KCNJ6: variants seen among roughly 807,000 people sequenced by gnomAD.
KCNJ6 encodes the protein G protein-activated inward rectifier potassium channel 2.
Under a neutral mutation model 34.2 loss-of-function variants are expected in KCNJ6, and 9 were observed. That is an observed-to-expected ratio of 0.26 (90% CI 0.16 to 0.46). The LOEUF (loss-of-function observed/expected upper bound fraction) is 0.46. Among genes scored for constraint, KCNJ6 ranks in the 20% least tolerant of loss-of-function variants. The pLI, the probability that KCNJ6 is intolerant of heterozygous loss-of-function variation, is 1.00. For missense variants in KCNJ6, 236 were observed against 531.3 expected (o/e 0.44, Z 5.46); for synonymous variants, 196 against 207.1 (o/e 0.95, Z 0.46).
intron 1 of KCNJ6, among the ~76,000 whole-genome samples, chr21:37,911,396 T>C (rs1297819867): frequency 3.3e-5 from 5 of 152,230 alleles, no homozygotes; most frequent in African/African-American, 1.2e-4. Flanking sequence ...AAGTTAATAA[T>C]TTTGTAAAAC....
intron 3 of KCNJ6, among the ~76,000 whole-genome samples, chr21:37,661,799 T>G (rs1388547572): frequency 0.013 from 2 of 158 alleles, no homozygotes. Context: ...ATTTTTTCTA[T>G]TTTTTTTTTT....
At chr21:37,817,641 C>T (rs2055352782) in intron 2 of KCNJ6, among the ~76,000 whole-genome samples, 1 of 152,206 alleles carries the variant, frequency 6.6e-6, no homozygotes, top group Admixed American at 6.5e-5. Context: ...TTAGCCTGTG[C>T]ATGACCCTTT....
intron 3 of KCNJ6, among the ~76,000 whole-genome samples, chr21:37,632,431 A>G (rs934953834): frequency 6.6e-5 from 10 of 152,082 alleles, no homozygotes; most frequent in Non-Finnish European, 1.5e-5. Context: ...GAAAGTCTGA[A>G]CATTAATGTT....
chr21:37,651,550 G>C (rs1452649336), intron 3 of KCNJ6, among the ~76,000 whole-genome samples: 1 of 152,174 alleles, frequency 6.6e-6, no homozygotes, highest in Non-Finnish European at 1.5e-5. Context: ...TGCAGAGGAA[G>C]GGAGTGGAAG....
At chr21:37,904,614 T>A (rs2055832465) in intron 1 of KCNJ6, among the ~76,000 whole-genome samples, 1 of 152,174 alleles carries the variant, frequency 6.6e-6, no homozygotes, top group African/African-American at 2.4e-5. Flanking sequence ...TATAGACTCC[T>A]TGTTTTCATG....
chr21:37,812,392 A>G lies in KCNJ6; in HGVS notation c.25+28266T>C, dbSNP rs537861082. ...AAGAAAAGTGGCCATCTAATCTGGCACTAGAACTGGGAATTTAACCAAAGG... is the reference window on the plus strand; with the variant it reads ...AAGAAAAGTGGCCATCTAATCTGGCGCTAGAACTGGGAATTTAACCAAAGG... On this transcript the variant is annotated intron_variant, in intron 2 of 3. Coordinates refer to ENST00000609713, the MANE Select transcript of KCNJ6 (RefSeq NM_002240.5). 3.3e-5 allele frequency among the ~76,000 whole-genome samples: 5 copies of G among 152,342 alleles called. No individual in the cohort carries two copies. The South Asian group carries it at 6.2e-4, about 19-fold the overall frequency.
At chr21:37,661,614 G>GTTTTTTTTTTT (rs59026391) in intron 3 of KCNJ6, among the ~76,000 whole-genome samples, 1,945 of 71,060 alleles carry the variant, frequency 0.027, 458 homozygotes, top group Non-Finnish European at 0.034. Context: ...AAGAGACATA[G>GTTTTTTTTTTT]TTTTTTTTTT....
At chr21:37,642,827 A>G (rs1823330936) in intron 3 of KCNJ6, among the ~76,000 whole-genome samples, 1 of 152,180 alleles carries the variant, frequency 6.6e-6, no homozygotes, top group African/African-American at 2.4e-5. Context: ...CTTTCTACTA[A>G]AACAAAAAAA....
At chr21:37,665,981 C>A (rs2054512252) in intron 3 of KCNJ6, among the ~76,000 whole-genome samples, 1 of 152,070 alleles carries the variant, frequency 6.6e-6, no homozygotes, top group Admixed American at 6.5e-5. Flanking sequence ...ATGAGCAGGC[C>A]CAGCTAGTTG....
intron 1 of KCNJ6, among the ~76,000 whole-genome samples, chr21:37,865,943 G>A (rs2055620397): frequency 8.8e-6 from 1 of 114,188 alleles, no homozygotes; most frequent in Admixed American, 8.9e-5. Context: ...TAGATCGTGT[G>A]TTAGACCACA....
chr21:37,853,553 G>A (rs1276270290), intron 1 of KCNJ6, among the ~76,000 whole-genome samples: 2 of 151,952 alleles, frequency 1.3e-5, no homozygotes, highest in Non-Finnish European at 2.9e-5. Flanking sequence ...CAACAAAAAG[G>A]AAATAATAAA....
chr21:37,707,207 C>T (rs906500191), intron 3 of KCNJ6, among the ~76,000 whole-genome samples: 1 of 152,198 alleles, frequency 6.6e-6, no homozygotes, highest in Non-Finnish European at 1.5e-5. Context: ...TTTGACTATT[C>T]AGAGTGGTTT....
At chr21:37,852,068 T>C (rs139536350) in intron 1 of KCNJ6, among the ~76,000 whole-genome samples, 1 of 152,202 alleles carries the variant, frequency 6.6e-6, no homozygotes, top group African/African-American at 2.4e-5. Flanking sequence ...ATAACCTCTG[T>C]AGCCAAACAT....
intron 2 of KCNJ6, among the ~76,000 whole-genome samples, chr21:37,771,806 A>G (rs974139088): frequency 1.3e-5 from 2 of 151,970 alleles, no homozygotes; most frequent in Non-Finnish European, 2.9e-5. Context: ...TTTCGGGGGG[A>G]AAATAAGGGC....
rs528058320 is a variant in KCNJ6, at chr21:37,641,028, A to T, written c.947-15544T>A. On this transcript the variant is annotated intron_variant, in intron 3 of 3. Transcript: ENST00000609713. ...GAGGAGGTTTAAGAAAAAGTAGGGAATAGGAAGAGGGAATTTACTTAAGCT... is the reference window on the plus strand; with the variant it reads ...GAGGAGGTTTAAGAAAAAGTAGGGATTAGGAAGAGGGAATTTACTTAAGCT... Among the ~76,000 whole-genome samples, 4 of 152,328 alleles carry T rather than the reference A, an allele frequency of 2.6e-5. No homozygotes were observed. In the South Asian group the frequency reaches 8.3e-4, roughly 32 times the overall value.
chr21:37,782,536 T>A (rs2055174444), intron 2 of KCNJ6, among the ~76,000 whole-genome samples: 1 of 152,186 alleles, frequency 6.6e-6, no homozygotes, highest in South Asian at 2.1e-4. Flanking sequence ...CTGGGGCTGG[T>A]TCCCCCGTGT....
At chr21:37,824,949 C>T (rs897883688) in intron 2 of KCNJ6, among the ~76,000 whole-genome samples, 5 of 151,820 alleles carry the variant, frequency 3.3e-5, no homozygotes, top group African/African-American at 1.2e-4. Context: ...GCTGACCGTC[C>T]TTGGCTTTCG....
intron 2 of KCNJ6, among the ~76,000 whole-genome samples, chr21:37,796,779 CTTTTT>C (rs1172378200): frequency 7.0e-4 from 50 of 71,478 alleles, no homozygotes; most frequent in East Asian, 1.4e-3. Flanking sequence ...TTCTTTCTTT[CTTTTT>C]TTTTTTTTTT....
At chr21:37,893,632 C>CTTTTT (rs550634250) in intron 1 of KCNJ6, among the ~76,000 whole-genome samples, 1 of 139,578 alleles carries the variant, frequency 7.2e-6, no homozygotes, top group African/African-American at 2.6e-5. Context: ...CTGGAGAAGC[C>CTTTTT]TTTTTTTTTT....
Sources: gnomAD v4.1 joint callset for allele counts (sites outside exome capture counted in the v4.1 genomes callset) on GRCh38, gnomAD v4.1.1 for gene constraint, MANE v1.5 for transcripts, NCBI Gene and HGNC (gene_info 2026-07-23, HGNC 2026-07-21) for gene names.